CYP4X1: variants seen among roughly 807,000 people sequenced by gnomAD.
CYP4X1 encodes the protein cytochrome P450 4X1.
In CYP4X1, 44 loss-of-function variants were observed where a neutral mutation model predicts 57.9. That is an observed-to-expected ratio of 0.76 (90% CI 0.60 to 0.98). The LOEUF (loss-of-function observed/expected upper bound fraction) is 0.98. Ranked by LOEUF, CYP4X1 falls within the 50% of genes least tolerant of loss-of-function variation. CYP4X1 has a pLI of 0.00. For missense variants in CYP4X1, 532 were observed against 623.9 expected, an observed-to-expected ratio of 0.85 and a Z score of 1.57; for synonymous variants, 227 against 228.6, an observed-to-expected ratio of 0.99 and a Z score of 0.06.
At chr1:47,016,420 C>T in the CYP4X1 span, among the ~76,000 whole-genome samples, 1 of 151,744 alleles carries the variant, frequency 6.6e-6, no homozygotes, top group East Asian at 1.9e-4. Context: ...TGGCTCCCCA[C>T]AAGCTCCACC....
At chr1:47,021,995 G>A (rs1367151402), upstream of CYP4X1, among the ~76,000 whole-genome samples, 1 of 152,188 alleles carries the variant, frequency 6.6e-6, no homozygotes, top group African/African-American at 2.4e-5. Flanking sequence ...ACCACCATGC[G>A]ATCATATGAG....
the CYP4X1 span, among the ~76,000 whole-genome samples, chr1:47,013,806 A>G: frequency 2.2e-4 from 28 of 127,658 alleles, 1 homozygote; most frequent in South Asian, 6.9e-3. Flanking sequence ...TCTGTCACCC[A>G]GGCTGGAATG....
At chr1:47,031,553 G>T in intron 3 of CYP4X1, 73 bp downstream of exon 3, 3 of 1,529,830 alleles carry the variant, frequency 2.0e-6, no homozygotes, top group Non-Finnish European at 1.8e-6. Context: ...GCATGCCAAA[G>T]AAACTGAAAT....
the CYP4X1 span, among the ~76,000 whole-genome samples, chr1:46,976,204 C>T: frequency 3.3e-5 from 5 of 152,090 alleles, no homozygotes; most frequent in Non-Finnish European, 7.3e-5. Flanking sequence ...CAAGGGAAGC[C>T]GTGACAGGCT....
At chr1:47,010,339 A>C in the CYP4X1 span, among the ~76,000 whole-genome samples, 2 of 152,224 alleles carry the variant, frequency 1.3e-5, no homozygotes, top group Non-Finnish European at 2.9e-5. Context: ...AATGCAGAAA[A>C]GGCCTTTGAC....
upstream of CYP4X1, among the ~76,000 whole-genome samples, chr1:47,018,889 A>G (rs940096116): frequency 3.3e-5 from 5 of 152,274 alleles, no homozygotes; most frequent in African/African-American, 1.2e-4. Flanking sequence ...ACCATTGAAA[A>G]CAGCTCCATC....
At chr1:47,041,991 A>G (rs1443037245) in intron 8 of CYP4X1, among the ~76,000 whole-genome samples, 1 of 152,066 alleles carries the variant, frequency 6.6e-6, no homozygotes, top group South Asian at 2.1e-4. Flanking sequence ...TTATTCTTCT[A>G]CTAGTGCATA....
chr1:47,049,341 A>G (rs1301700781), intron 10 of CYP4X1, 81 bp from the exon 11 acceptor site: 2 of 1,006,228 alleles, frequency 2.0e-6, no homozygotes, highest in African/African-American at 3.2e-5. Context: ...TTATATTTCT[A>G]TTGATCGGTG....
At chr1:47,052,665 A>G (rs778735055), downstream of CYP4X1, among the ~76,000 whole-genome samples, 5 of 152,218 alleles carry the variant, frequency 3.3e-5, no homozygotes, top group African/African-American at 4.8e-5. Flanking sequence ...TACCTCTTTC[A>G]ATCAGATTAT....
the CYP4X1 span, among the ~76,000 whole-genome samples, chr1:46,992,582 C>A: frequency 6.6e-6 from 1 of 152,218 alleles, no homozygotes; most frequent in Non-Finnish European, 1.5e-5. Context: ...TGAATCAGAA[C>A]TTCACTCCTG....
At chr1:46,967,209 G>C in the CYP4X1 span, among the ~76,000 whole-genome samples, 1 of 152,194 alleles carries the variant, frequency 6.6e-6, no homozygotes, top group Non-Finnish European at 1.5e-5. Context: ...AGCTGAAAAA[G>C]TGGAAGAAAA....
At chr1:47,047,565 G>A (rs973991101) in intron 9 of CYP4X1, among the ~76,000 whole-genome samples, 2 of 152,092 alleles carry the variant, frequency 1.3e-5, no homozygotes, top group Non-Finnish European at 2.9e-5. Flanking sequence ...AATTTGTCAT[G>A]GGATCTGCAT....
intron 6 of CYP4X1, among the ~76,000 whole-genome samples, chr1:47,036,906 T>TG: frequency 6.6e-6 from 1 of 152,362 alleles, no homozygotes; most frequent in African/African-American, 2.4e-5. Flanking sequence ...CAAATGTCTT[T>TG]GCTTCCAGGA....
At chr1:47,041,229 T>C (rs1359451976) in intron 8 of CYP4X1, among the ~76,000 whole-genome samples, 1 of 152,210 alleles carries the variant, frequency 6.6e-6, no homozygotes. Flanking sequence ...ATCTGGGCTA[T>C]TGTGAATAAT....
chr1:47,006,275 C>T, the CYP4X1 span, among the ~76,000 whole-genome samples: 1 of 152,102 alleles, frequency 6.6e-6, no homozygotes, highest in African/African-American at 2.4e-5. Flanking sequence ...TCTATAAGTG[C>T]CCACATCTGA....
At chr1:46,991,820 C>A in the CYP4X1 span, among the ~76,000 whole-genome samples, 1 of 152,138 alleles carries the variant, frequency 6.6e-6, no homozygotes, top group Non-Finnish European at 1.5e-5. Flanking sequence ...CATTGTGATG[C>A]GTGGGAAGGA....
At chr1:46,967,443 A>G in the CYP4X1 span, among the ~76,000 whole-genome samples, 15 of 152,130 alleles carry the variant, frequency 9.9e-5, no homozygotes, top group African/African-American at 3.4e-4. Context: ...CAGGCAGGAG[A>G]TTGGTTGCTG....
the CYP4X1 span, among the ~76,000 whole-genome samples, chr1:47,006,904 C>A: frequency 6.6e-6 from 1 of 152,292 alleles, no homozygotes; most frequent in South Asian, 2.1e-4. Context: ...ACTGCCGAGG[C>A]TTGAGTAGGT....
the CYP4X1 span, among the ~76,000 whole-genome samples, chr1:47,015,426 C>T: frequency 1.1e-4 from 16 of 152,120 alleles, no homozygotes; most frequent in Admixed American, 5.2e-4. Flanking sequence ...CTGCCCCTGC[C>T]GTGGCAGAAG....
Sources: gnomAD v4.1 joint callset for allele counts (sites outside exome capture counted in the v4.1 genomes callset) on GRCh38, gnomAD v4.1.1 for gene constraint, MANE v1.5 for transcripts, NCBI Gene and HGNC (gene_info 2026-07-23, HGNC 2026-07-21) for gene names.